The following CAPN8 variants were observed in gnomAD, a reference collection of about 807,000 sequenced individuals.
The protein encoded by CAPN8 is calpain-8.
Under a neutral mutation model 80.9 loss-of-function variants are expected in CAPN8, and 87 were observed. The observed-to-expected ratio is 1.07, with a 90% CI of 0.90 to 1.28. CAPN8 has a LOEUF of 1.28. Among genes scored for constraint, CAPN8 ranks in the 50% most tolerant of loss-of-function variants. CAPN8 has a pLI of 0.00. For synonymous variants in CAPN8, 299 were observed against 273.8 expected (o/e 1.09, Z -0.91); for missense variants, 757 against 702.0 (o/e 1.08, Z -0.89).
intron 14 of CAPN8, 102 bp downstream of exon 14, chr1:223,553,730 C>A (rs1004089542): frequency 1.1e-4 from 45 of 398,090 alleles, no homozygotes; most frequent in African/African-American, 9.0e-4. Context: ...GAGTCTCACC[C>A]TTTTTATGCC....
intron 13 of CAPN8, among the ~76,000 whole-genome samples, chr1:223,556,849 C>A (rs1448891441): frequency 6.6e-6 from 1 of 152,186 alleles, no homozygotes; most frequent in Non-Finnish European, 1.5e-5. Flanking sequence ...TTCTAATATG[C>A]CTGGGACCCA....
At chr1:223,625,630 T>C (rs1056298757) in intron 6 of CAPN8, among the ~76,000 whole-genome samples, 175 bp downstream of exon 6, 2 of 152,108 alleles carry the variant, frequency 1.3e-5, no homozygotes, top group African/African-American at 2.4e-5. Flanking sequence ...AAGCTAATGC[T>C]CATCTGTGGT....
In CAPN8 at chr1:223,640,747, G is replaced by A. The variant is rs1236570666; in HGVS notation, c.308-11967C>T. 5.3e-5 allele frequency among the ~76,000 whole-genome samples: 8 copies of A among 152,068 alleles called. No homozygotes were observed. In the South Asian group the frequency reaches 8.3e-4, roughly 16 times the overall value. ...AGTCATCATCCAGGAGCAGTAATTAGGAGGTTGCAAAAAGAAGCAAAATTG... is the reference window on the plus strand; with the variant it reads ...AGTCATCATCCAGGAGCAGTAATTAAGAGGTTGCAAAAAGAAGCAAAATTG... On this transcript the variant is annotated intron_variant, in intron 2 of 20. Coordinates refer to ENST00000366872, the MANE Select transcript of CAPN8 (RefSeq NM_001143962.2).
intron 2 of CAPN8, among the ~76,000 whole-genome samples, chr1:223,637,641 C>T (rs1657938393): frequency 1.3e-5 from 2 of 152,202 alleles, no homozygotes; most frequent in African/African-American, 2.4e-5. Flanking sequence ...CCTCTCCCTT[C>T]CGGCTTAAGG....
At chr1:223,647,500 TTGC>T (rs1658221947) in intron 2 of CAPN8, among the ~76,000 whole-genome samples, 2 of 152,192 alleles carry the variant, frequency 1.3e-5, no homozygotes, top group Admixed American at 1.3e-4. Flanking sequence ...ACTTGCCTTA[TTGC>T]CTACCCTCCT....
chr1:223,665,503 G>A lies in CAPN8; in HGVS notation c.144C>T (p.Asp48=), dbSNP rs1247795819. ...QCLDSGVLFK[D]PEFPACPSAL... is the part of the protein sequence containing the mutation. ...CTGATGGACATGCTGGGAACTCAGG[G>A]TCCTTAAATAGGACCCCTGAGTCCA... The change falls in exon 1 of 21, where the codon GAC becomes GAT. Residue 48 remains aspartate (D), a synonymous_variant. Transcript: ENST00000366872. The A allele has an allele frequency of 1.3e-6, 2 of 1,551,688 alleles. No individual in the cohort carries two copies. Among genetic ancestry groups the A allele is most frequent in the African/African-American group, 1.4e-5 (1 of 73,026 alleles).
intron 13 of CAPN8, among the ~76,000 whole-genome samples, chr1:223,555,707 T>G (rs1656889201): frequency 6.6e-6 from 1 of 152,120 alleles, no homozygotes; most frequent in South Asian, 2.1e-4. Context: ...AAACAGTATA[T>G]GGATATGGAC....
chr1:223,550,071 G>A (rs1656742539), intron 15 of CAPN8, among the ~76,000 whole-genome samples: 2 of 152,144 alleles, frequency 1.3e-5, no homozygotes, highest in South Asian at 4.1e-4. Context: ...TTACTAAATT[G>A]CAGGCATGTC....
At chr1:223,654,842 ATTTTTTT>A (rs35365292) in intron 1 of CAPN8, among the ~76,000 whole-genome samples, 2 of 111,736 alleles carry the variant, frequency 1.8e-5, no homozygotes, top group Non-Finnish European at 3.5e-5. Context: ...CACCCGGCTA[ATTTTTTT>A]TTTTTTTTTT....
chr1:223,545,109 G>A (rs761830050), intron 17 of CAPN8, 122 bp downstream of exon 17: 10 of 1,483,064 alleles, frequency 6.7e-6, no homozygotes, highest in Non-Finnish European at 9.1e-6. Context: ...CATGACCAAT[G>A]TGCCCAGGAC....
At chr1:223,630,565 G>A (rs1330373423) in intron 2 of CAPN8, among the ~76,000 whole-genome samples, 1 of 151,880 alleles carries the variant, frequency 6.6e-6, no homozygotes, top group Non-Finnish European at 1.5e-5. Flanking sequence ...TGAATTCCTG[G>A]ACTCAAGTGA....
intron 2 of CAPN8, among the ~76,000 whole-genome samples, chr1:223,651,862 G>T (rs1345457921): frequency 6.6e-6 from 1 of 152,202 alleles, no homozygotes; most frequent in African/African-American, 2.4e-5. Flanking sequence ...TTGATAGTGT[G>T]CTGCCTTCAA....
chr1:223,628,974 C>A (rs191456335), intron 2 of CAPN8, 194 bp from the exon 3 acceptor site: 4 of 572,358 alleles, frequency 7.0e-6, no homozygotes, highest in Non-Finnish European at 9.3e-6. Context: ...TTTGTTTACT[C>A]GGGAGTGGAT....
intron 2 of CAPN8, among the ~76,000 whole-genome samples, chr1:223,654,116 G>A (rs1336824937): frequency 6.6e-6 from 1 of 152,144 alleles, no homozygotes; most frequent in African/African-American, 2.4e-5. Flanking sequence ...CTCATTAGGG[G>A]GAGCCAAGAG....
At chr1:223,548,790 G>A (rs1019065458) in intron 16 of CAPN8, among the ~76,000 whole-genome samples, 3 of 152,198 alleles carry the variant, frequency 2.0e-5, no homozygotes, top group African/African-American at 7.2e-5. Flanking sequence ...AATATCAAGT[G>A]AGGGTTAAAC....
chr1:223,548,991 T>C (rs1656708528), intron 16 of CAPN8, among the ~76,000 whole-genome samples: 1 of 151,800 alleles, frequency 6.6e-6, no homozygotes, highest in Admixed American at 6.6e-5. Context: ...GATGAAGAGA[T>C]GAACAGAGTG....
intron 2 of CAPN8, among the ~76,000 whole-genome samples, chr1:223,633,370 C>T (rs533078140): frequency 1.5e-4 from 23 of 148,418 alleles, no homozygotes; most frequent in Admixed American, 1.0e-3. Flanking sequence ...GGTCCCAAAA[C>T]GGAGACTATA....
chr1:223,546,373 G>T (rs1424705843), intron 16 of CAPN8, among the ~76,000 whole-genome samples: 1 of 152,106 alleles, frequency 6.6e-6, no homozygotes, highest in East Asian at 1.9e-4. Context: ...TCCAGCCTGG[G>T]CAACATAATA....
intron 1 of CAPN8, among the ~76,000 whole-genome samples, chr1:223,658,193 C>T (rs916861989): frequency 3.9e-5 from 6 of 152,198 alleles, no homozygotes; most frequent in African/African-American, 1.4e-4. Flanking sequence ...TCCAAAATAA[C>T]TCCCTGAGCT....
Sources: gnomAD v4.1 joint callset for allele counts (sites outside exome capture counted in the v4.1 genomes callset) on GRCh38, gnomAD v4.1.1 for gene constraint, MANE v1.5 for transcripts, NCBI Gene and HGNC (gene_info 2026-07-23, HGNC 2026-07-21) for gene names.